GPR158: variants seen among roughly 807,000 people sequenced by gnomAD.
GPR158 encodes the protein metabotropic glycine receptor.
A neutral mutation model predicts 78.2 loss-of-function variants in GPR158; 30 were observed. The observed-to-expected ratio is 0.38, with a 90% CI of 0.29 to 0.52. The LOEUF is 0.52. Ranked by LOEUF, GPR158 falls within the 20% of genes least tolerant of loss-of-function variation. GPR158 has a pLI of 0.83. For missense variants in GPR158, 1,463 were observed against 1,523.5 expected (o/e 0.96, Z 0.66); for synonymous variants, 581 against 591.1 (o/e 0.98, Z 0.25).
intron 2 of GPR158, among the ~76,000 whole-genome samples, chr10:25,255,799 T>C (rs1357548928): frequency 6.6e-6 from 1 of 152,200 alleles, no homozygotes; most frequent in Non-Finnish European, 1.5e-5. Flanking sequence ...TCATTTTGAC[T>C]CAAAATCAAC....
intron 2 of GPR158, among the ~76,000 whole-genome samples, chr10:25,341,406 A>G (rs970064351): frequency 6.6e-6 from 1 of 152,050 alleles, no homozygotes; most frequent in East Asian, 1.9e-4. Flanking sequence ...GAGAATTTAT[A>G]TTAGATTTTG....
intron 2 of GPR158, among the ~76,000 whole-genome samples, chr10:25,383,569 TGAG>T (rs1347851320): frequency 6.6e-6 from 1 of 152,226 alleles, no homozygotes; most frequent in Non-Finnish European, 1.5e-5. Context: ...AGATTTGAGT[TGAG>T]GAACTCTGCA....
chr10:25,180,721 T>C (rs1852601293), intron 1 of GPR158, among the ~76,000 whole-genome samples: 2 of 152,150 alleles, frequency 1.3e-5, no homozygotes, highest in Non-Finnish European at 2.9e-5. Context: ...ATATACTTCT[T>C]AATTGGCCTA....
chr10:25,557,690 G>T lies in GPR158; in HGVS notation c.1514+6605G>T, dbSNP rs1462812513. 2.6e-5 allele frequency among the ~76,000 whole-genome samples: 4 copies of T among 152,182 alleles called. No individual in the cohort carries two copies. In the East Asian group the frequency reaches 7.7e-4, roughly 29 times the overall value. On this transcript the variant is annotated intron_variant, in intron 6 of 10. Transcript: ENST00000376351. ...CATGAGTAGCTCCATTTATAGATTA[G>T]TATGTTTAGTCTACTCATAGAAGTA...
At chr10:25,513,969 G>A (rs1449567634) in intron 5 of GPR158, among the ~76,000 whole-genome samples, 1 of 152,100 alleles carries the variant, frequency 6.6e-6, no homozygotes, top group East Asian at 1.9e-4. Flanking sequence ...TGTTCCATGT[G>A]CTGATGAATA....
At chr10:25,584,035 T>C (rs980753981) in intron 7 of GPR158, among the ~76,000 whole-genome samples, 1 of 152,224 alleles carries the variant, frequency 6.6e-6, no homozygotes, top group African/African-American at 2.4e-5. Flanking sequence ...ATACTCTCCT[T>C]ATAGTATATT....
chr10:25,382,613 G>C (rs1224976507), intron 2 of GPR158, among the ~76,000 whole-genome samples: 1 of 152,012 alleles, frequency 6.6e-6, no homozygotes, highest in Non-Finnish European at 1.5e-5. Context: ...TTCCTGGAAG[G>C]TGGTTTGGTA....
At chr10:25,430,813 A>G (rs1022393015) in intron 4 of GPR158, among the ~76,000 whole-genome samples, 4 of 151,362 alleles carry the variant, frequency 2.6e-5, no homozygotes, top group South Asian at 2.1e-4. Context: ...AGCCATATGT[A>G]GAAAGCTGAA....
At chr10:25,576,986 A>AAAAAGTC (rs1190989889) in intron 7 of GPR158, among the ~76,000 whole-genome samples, 45 of 150,902 alleles carry the variant, frequency 3.0e-4, no homozygotes, top group South Asian at 4.2e-4. Flanking sequence ...AAAAAAAAAA[A>AAAAAGTC]AGTCAGGGCA....
At chr10:25,304,340 A>T (rs1306375407) in intron 2 of GPR158, among the ~76,000 whole-genome samples, 1 of 151,990 alleles carries the variant, frequency 6.6e-6, no homozygotes. Context: ...CTTATATAAA[A>T]CTGAGGTAGC....
rs550908071 is a variant in GPR158, at chr10:25,211,806, T to C, written c.903-9246T>C. Among the ~76,000 whole-genome samples, 6 of 152,304 alleles carry C rather than the reference T, an allele frequency of 3.9e-5. No individual in the cohort carries two copies. The South Asian group carries it at 1.2e-3, about 32-fold the overall frequency. On this transcript the variant is annotated intron_variant, in intron 1 of 10. Transcript: ENST00000376351. ...ATGGTATTGGGTAGTGATCCACTTA[T>C]TATATTTATCCATTAGTGGCCCAAG...
At chr10:25,280,038 T>A (rs1406643608) in intron 2 of GPR158, among the ~76,000 whole-genome samples, 1 of 150,950 alleles carries the variant, frequency 6.6e-6, no homozygotes, top group Admixed American at 6.6e-5. Flanking sequence ...GGAGGGATCT[T>A]GTTAGCAATA....
At chr10:25,249,762 C>T (rs1214984452) in intron 2 of GPR158, among the ~76,000 whole-genome samples, 1 of 151,944 alleles carries the variant, frequency 6.6e-6, no homozygotes, top group East Asian at 1.9e-4. Flanking sequence ...AGGATATTGG[C>T]CTAAAATTCT....
At chr10:25,523,463 G>T (rs938227717) in intron 5 of GPR158, among the ~76,000 whole-genome samples, 3 of 152,158 alleles carry the variant, frequency 2.0e-5, no homozygotes, top group Non-Finnish European at 4.4e-5. Flanking sequence ...TGCACCAGGT[G>T]GGGAGGACAG....
chr10:25,281,015 A>G (rs1410893314), intron 2 of GPR158, among the ~76,000 whole-genome samples: 1 of 151,740 alleles, frequency 6.6e-6, no homozygotes, highest in Non-Finnish European at 1.5e-5. Flanking sequence ...TGCGCCTGTA[A>G]TCTCAGATAC....
At chr10:25,295,041 A>AT (rs148747805) in intron 2 of GPR158, among the ~76,000 whole-genome samples, 4 of 152,014 alleles carry the variant, frequency 2.6e-5, no homozygotes, top group Non-Finnish European at 5.9e-5. Flanking sequence ...TCATTAGGAG[A>AT]TTTTCTTTAC....
chr10:25,395,377 A>G (rs2130527989), intron 2 of GPR158, among the ~76,000 whole-genome samples: 1 of 152,096 alleles, frequency 6.6e-6, no homozygotes, highest in East Asian at 1.9e-4. Flanking sequence ...GCATTTTTAA[A>G]TTTACTTGTT....
chr10:25,401,569 C>T (rs1834446536), intron 3 of GPR158, among the ~76,000 whole-genome samples: 1 of 152,080 alleles, frequency 6.6e-6, no homozygotes, highest in Admixed American at 6.6e-5. Flanking sequence ...CCTCCACTAG[C>T]TGAAATACTA....
intron 2 of GPR158, among the ~76,000 whole-genome samples, chr10:25,278,888 A>G (rs1163335214): frequency 6.6e-6 from 1 of 151,908 alleles, no homozygotes; most frequent in African/African-American, 2.4e-5. Flanking sequence ...GTACTTCATA[A>G]AGATAATAGA....
Sources: allele counts gnomAD v4.1 joint callset (sites outside exome capture counted in the v4.1 genomes callset), GRCh38; gene constraint gnomAD v4.1.1; transcripts MANE v1.5; gene names NCBI Gene and HGNC (gene_info 2026-07-23, HGNC 2026-07-21).